The following NAA16 variants were observed in gnomAD, a reference collection of about 807,000 sequenced individuals.
The protein encoded by NAA16 is NARG1-like protein.
Under a neutral mutation model 110.3 loss-of-function variants are expected in NAA16, and 97 were observed. The ratio of observed to expected loss-of-function variants is 0.88; its 90% CI spans 0.75 to 1.04. NAA16 has a LOEUF of 1.04. NAA16 is among the 50% of genes least tolerant of loss of function. The pLI, the probability that NAA16 is intolerant of heterozygous loss-of-function variation, is 0.00. For missense variants in NAA16, 1,017 were observed against 1,005.1 expected (o/e 1.01, Z -0.16); for synonymous variants, 372 against 330.6 (o/e 1.13, Z -1.36).
At chr13:41,356,228 T>C (rs1244420640) in intron 10 of NAA16, among the ~76,000 whole-genome samples, 1 of 152,108 alleles carries the variant, frequency 6.6e-6, no homozygotes, top group African/African-American at 2.4e-5. Flanking sequence ...GATTTTGCCA[T>C]GTTGTCCAGG....
In NAA16 at chr13:41,350,407, C is replaced by T. The variant is rs562970506; in HGVS notation, c.1015-4737C>T. On this transcript the variant is annotated intron_variant, in intron 9 of 19. Coordinates refer to ENST00000379406, the MANE Select transcript of NAA16 (RefSeq NM_024561.5). ...CTCCCGGGTTCACGCCATTCTCCTG[C>T]TTCAGCCTCCGGAGTAGCTGGGACT... 3.3e-5 allele frequency among the ~76,000 whole-genome samples: 5 copies of T among 151,690 alleles called. No individual in the cohort carries two copies. In the East Asian group the frequency reaches 9.8e-4, roughly 30 times the overall value.
chr13:41,342,371 C>T (rs1298587825), intron 9 of NAA16, among the ~76,000 whole-genome samples: 1 of 152,172 alleles, frequency 6.6e-6, no homozygotes, highest in African/African-American at 2.4e-5. Context: ...CTCCTGAGCG[C>T]AAGCAATCCG....
intron 2 of NAA16, among the ~76,000 whole-genome samples, chr13:41,318,444 C>T (rs909939291): frequency 1.3e-5 from 2 of 152,118 alleles, no homozygotes; most frequent in Non-Finnish European, 2.9e-5. Context: ...TCAGATGATC[C>T]ACCCGCCTCA....
intron 1 of NAA16, 131 bp downstream of exon 1, chr13:41,311,713 AGG>A: frequency 1.2e-6 from 1 of 852,880 alleles, no homozygotes; most frequent in East Asian, 3.0e-5. Flanking sequence ...TTTACCTCGG[AGG>A]TCGCGGGACC....
At chr13:41,353,004 C>A (rs890311074) in intron 9 of NAA16, among the ~76,000 whole-genome samples, 9 of 152,128 alleles carry the variant, frequency 5.9e-5, no homozygotes, top group African/African-American at 2.2e-4. Context: ...GTAATCCCAG[C>A]TGCTCAGGAG....
At chr13:41,344,329 G>T (rs1335245431) in intron 9 of NAA16, among the ~76,000 whole-genome samples, 1 of 152,192 alleles carries the variant, frequency 6.6e-6, no homozygotes, top group Non-Finnish European at 1.5e-5. Context: ...TAAAAATTTA[G>T]TGGAACCAGA....
intron 13 of NAA16, among the ~76,000 whole-genome samples, chr13:41,364,154 T>A (rs1425898730): frequency 1.3e-5 from 2 of 152,144 alleles, no homozygotes; most frequent in Admixed American, 1.3e-4. Flanking sequence ...AATATTTTAA[T>A]AAGGACACGG....
At chr13:41,343,821 G>T (rs916287218) in intron 9 of NAA16, among the ~76,000 whole-genome samples, 2 of 152,222 alleles carry the variant, frequency 1.3e-5, no homozygotes, top group Admixed American at 1.3e-4. Flanking sequence ...GATTACAGGC[G>T]TGAGCCACTG....
At chr13:41,361,417 C>T (rs775321855) in intron 12 of NAA16, among the ~76,000 whole-genome samples, 18 of 152,088 alleles carry the variant, frequency 1.2e-4, no homozygotes, top group Non-Finnish European at 2.2e-4. Context: ...ACAGTGACCC[C>T]GAGTCAGCAA....
At chr13:41,353,562 C>T (rs1309600750) in intron 9 of NAA16, among the ~76,000 whole-genome samples, 1 of 149,360 alleles carries the variant, frequency 6.7e-6, no homozygotes, top group African/African-American at 2.5e-5. Context: ...CCCAGGAGTT[C>T]CAGACAAGCC....
intron 9 of NAA16, among the ~76,000 whole-genome samples, chr13:41,339,650 C>T (rs970641866): frequency 2.6e-5 from 4 of 152,024 alleles, no homozygotes; most frequent in Non-Finnish European, 4.4e-5. Context: ...CTCCGCCTTC[C>T]GGGTTCAAAC....
chr13:41,333,368 T>C (rs1389655099), intron 8 of NAA16, among the ~76,000 whole-genome samples: 1 of 152,146 alleles, frequency 6.6e-6, no homozygotes, highest in Non-Finnish European at 1.5e-5. Flanking sequence ...CATCTCTGTC[T>C]GCTTTCAGAA....
intron 10 of NAA16, among the ~76,000 whole-genome samples, chr13:41,355,429 G>A (rs1370110931): frequency 6.6e-6 from 1 of 151,984 alleles, no homozygotes; most frequent in Non-Finnish European, 1.5e-5. Flanking sequence ...CGGTTTTTTT[G>A]TTTGTTTGTT....
rs746858929 is a variant in NAA16 at position 41,376,692 on chromosome 13, A to C, written c.*1090A>C. Reference sequence around the variant, plus strand: ...TGCATTGACCATTAAATGCATTTTAATATCTCGGCAAAATGAGATTTGAAA... The same window carrying C: ...TGCATTGACCATTAAATGCATTTTACTATCTCGGCAAAATGAGATTTGAAA... On this transcript the variant is annotated 3_prime_UTR_variant, in exon 20 of 20. Transcript: ENST00000379406. 2 of 152,246 alleles carry C rather than the reference A, an allele frequency of 1.3e-5. No homozygotes were observed. Among genetic ancestry groups the C allele is most frequent in the Non-Finnish European group, 2.9e-5 (2 of 68,038 alleles). 9.4% of individuals were successfully genotyped at this position (152,246 alleles called of 1,614,324 possible). A position where few individuals can be genotyped will look rare whatever the true frequency, so the allele number is the denominator to read the frequency against.
chr13:41,363,236 C>G (rs970442746), intron 13 of NAA16, among the ~76,000 whole-genome samples: 1 of 152,020 alleles, frequency 6.6e-6, no homozygotes, highest in African/African-American at 2.4e-5. Context: ...TGTTACACTC[C>G]CTAGAGGACC....
In NAA16 at chr13:41,369,074, A is replaced by C; in HGVS notation, c.1754-16A>C. The C allele has an allele frequency of 1.3e-6, 2 of 1,551,826 alleles. No individual in the cohort carries two copies. Among genetic ancestry groups the C allele is most frequent in the Non-Finnish European group, 1.7e-6 (2 of 1,158,110 alleles). The stretch of plus-strand genomic sequence containing the variant: ...CAAACATTGGCTCAGAATTTTGTTC[A>C]TTTGGATATTTATAGAAAACTTGTC... On this transcript the variant is annotated splice_polypyrimidine_tract_variant and intron_variant, in intron 14 of 19. Transcript: ENST00000379406.
intron 6 of NAA16, 118 bp from the exon 7 acceptor site, chr13:41,328,606 G>GAAGCAT: frequency 2.6e-6 from 2 of 782,536 alleles, no homozygotes; most frequent in Non-Finnish European, 4.0e-6. Flanking sequence ...GCCCAAAGGG[G>GAAGCAT]AAGCATACAG....
intron 13 of NAA16, among the ~76,000 whole-genome samples, chr13:41,365,427 C>A (rs2043189518): frequency 6.6e-6 from 1 of 152,028 alleles, no homozygotes; most frequent in South Asian, 2.1e-4. Flanking sequence ...TCCTCTGTAT[C>A]TATAACCCAA....
At chr13:41,317,172 A>T (rs767778978) in intron 2 of NAA16, among the ~76,000 whole-genome samples, 13 of 152,096 alleles carry the variant, frequency 8.5e-5, no homozygotes, top group Non-Finnish European at 1.8e-4. Context: ...AAATTGGAGA[A>T]AGTATGTATC....
Sources: gnomAD v4.1 joint callset for allele counts (sites outside exome capture counted in the v4.1 genomes callset) on GRCh38, gnomAD v4.1.1 for gene constraint, MANE v1.5 for transcripts, NCBI Gene and HGNC (gene_info 2026-07-23, HGNC 2026-07-21) for gene names.